ATG7: variants seen among roughly 807,000 people sequenced by gnomAD.
ATG7 encodes the protein ubiquitin-like modifier-activating enzyme ATG7.
Under a neutral mutation model 82.4 loss-of-function variants are expected in ATG7, and 70 were observed. The observed-to-expected ratio is 0.85, with a 90% CI of 0.70 to 1.04. The LOEUF (loss-of-function observed/expected upper bound fraction) is 1.04. Ranked by LOEUF, ATG7 falls within the 50% of genes least tolerant of loss-of-function variation. The pLI is 0.00. For synonymous variants in ATG7, 287 were observed against 313.0 expected (o/e 0.92, Z 0.88); for missense variants, 792 against 864.3 (o/e 0.92, Z 1.05).
chr3:11,398,355 A>C (rs1176391893), intron 19 of ATG7, among the ~76,000 whole-genome samples: 2 of 152,200 alleles, frequency 1.3e-5, no homozygotes, highest in Admixed American at 6.5e-5. Flanking sequence ...CGAATTTCAG[A>C]GTGAAATTGT....
At position 11,309,044 on chromosome 3, in the gene ATG7, C is replaced by G; in HGVS notation, c.394C>G (p.Leu132Val). Reference protein sequence around the residue: ...LENPVLLNKFLLLTFADLKKY... With the variant: ...LENPVLLNKFVLLTFADLKKY... ...AAACCCTGTACTCCTCAACAAGTTC[C>G]TCCTCTTGACATTTGCAGTAAGTAA... is the stretch of plus-strand genomic sequence containing the variant. Residue 132 changes from leucine (L) to valine (V), a missense_variant, in exon 7 of 21, where the codon CTC (leucine) becomes GTC (valine). Physicochemically the swap from Leu to Val is conservative, Grantham distance 32. Coordinates refer to ENST00000693202, the MANE Select transcript of ATG7 (RefSeq NM_001349232.2). 6.2e-7 allele frequency: 1 copy of G among 1,613,872 alleles called. No homozygotes were observed. Among genetic ancestry groups the G allele is most frequent in the East Asian group, 2.2e-5 (1 of 44,884 alleles).
chr3:11,558,627 G>T (rs377034464), downstream of ATG7: 855 of 1,609,204 alleles, frequency 5.3e-4, 12 homozygotes, highest in South Asian at 8.8e-3. Flanking sequence ...TGGCCCCTGC[G>T]AGAGGCGGAC....
intron 20 of ATG7, among the ~76,000 whole-genome samples, chr3:11,503,660 G>C (rs1380926314): frequency 6.7e-6 from 1 of 149,712 alleles, no homozygotes. Flanking sequence ...GGAGGCTGAG[G>C]CAGGAGAATC....
intron 20 of ATG7, among the ~76,000 whole-genome samples, chr3:11,498,404 A>C (rs982802072): frequency 6.6e-6 from 1 of 152,190 alleles, no homozygotes; most frequent in African/African-American, 2.4e-5. Flanking sequence ...CTGTATTGTC[A>C]TAGGCTTTTG....
downstream of ATG7, among the ~76,000 whole-genome samples, chr3:11,560,020 C>G (rs1482755949): frequency 2.0e-5 from 3 of 152,144 alleles, no homozygotes; most frequent in Non-Finnish European, 4.4e-5. Context: ...CCACCCCAGC[C>G]CGATCTGCCC....
At chr3:11,493,214 C>G (rs982795073) in intron 20 of ATG7, among the ~76,000 whole-genome samples, 5 of 152,148 alleles carry the variant, frequency 3.3e-5, no homozygotes, top group African/African-American at 1.2e-4. Flanking sequence ...GTCACTCTCC[C>G]CTGAAGTCAA....
downstream of ATG7, chr3:11,558,855 C>A (rs1269387799): frequency 1.9e-6 from 3 of 1,606,490 alleles, no homozygotes; most frequent in Non-Finnish European, 2.6e-6. Context: ...GGCAGGCAGT[C>A]AGACACAGGT....
chr3:11,422,419 C>T (rs2082008682), intron 19 of ATG7, among the ~76,000 whole-genome samples: 2 of 152,326 alleles, frequency 1.3e-5, no homozygotes, highest in Non-Finnish European at 2.9e-5. Context: ...ATTAGCCAAC[C>T]TCTGCTAGCT....
chr3:11,315,590 A>T, intron 9 of ATG7, 97 bp downstream of exon 9: 4 of 1,120,744 alleles, frequency 3.6e-6, no homozygotes, highest in Non-Finnish European at 4.8e-6. Flanking sequence ...ACTTGTTTAG[A>T]TTTCCTTAGC....
At chr3:11,564,406 C>G in the ATG7 span, among the ~76,000 whole-genome samples, 1 of 11,296 alleles carries the variant, frequency 8.9e-5, no homozygotes, top group African/African-American at 1.3e-4. Context: ...AAACGTAGGA[C>G]CCCCCCACCC....
intron 20 of ATG7, among the ~76,000 whole-genome samples, chr3:11,515,495 G>C (rs935081582): frequency 1.3e-5 from 2 of 152,058 alleles, no homozygotes; most frequent in Non-Finnish European, 2.9e-5. Context: ...GTAGAGACGG[G>C]GTTTTGCTGT....
the ATG7 span, among the ~76,000 whole-genome samples, chr3:11,572,329 G>A: frequency 1.3e-5 from 2 of 152,234 alleles, no homozygotes; most frequent in Non-Finnish European, 1.5e-5. Flanking sequence ...CTAGTACAAC[G>A]ATTCCAATAT....
intron 18 of ATG7, among the ~76,000 whole-genome samples, chr3:11,367,699 C>T (rs1198903725): frequency 6.6e-6 from 1 of 151,634 alleles, no homozygotes; most frequent in Non-Finnish European, 1.5e-5. Context: ...CCTGAAGAAA[C>T]CTCTTATTGA....
At chr3:11,402,438 A>G (rs191667396) in intron 19 of ATG7, among the ~76,000 whole-genome samples, 4 of 152,238 alleles carry the variant, frequency 2.6e-5, no homozygotes, top group Non-Finnish European at 5.9e-5. Context: ...GTCTCAAAAA[A>G]TAAATTAAAA....
intron 20 of ATG7, among the ~76,000 whole-genome samples, chr3:11,448,674 A>G (rs553091839): frequency 1.2e-4 from 19 of 152,308 alleles, no homozygotes; most frequent in African/African-American, 4.6e-4. Context: ...TTGTTGAACA[A>G]ATTGCTGCCA....
intron 19 of ATG7, among the ~76,000 whole-genome samples, chr3:11,395,604 A>G (rs2079146025): frequency 6.6e-6 from 1 of 152,220 alleles, no homozygotes; most frequent in Admixed American, 6.5e-5. Flanking sequence ...GCTGAAGGAA[A>G]GAAACGCATC....
chr3:11,472,107 G>C (rs1415141478), intron 20 of ATG7, among the ~76,000 whole-genome samples: 3 of 152,134 alleles, frequency 2.0e-5, no homozygotes, highest in African/African-American at 7.2e-5. Flanking sequence ...TTGGAGGTTA[G>C]ACTCTCACAC....
intron 7 of ATG7, 98 bp downstream of exon 7, chr3:11,309,159 T>C (rs1948237782): frequency 1.8e-6 from 2 of 1,123,422 alleles, no homozygotes; most frequent in Admixed American, 3.5e-5. Flanking sequence ...CCGAAGCTAC[T>C]ACCTTCTGTT....
chr3:11,421,613 ACTT>A (rs2081950999), intron 19 of ATG7, among the ~76,000 whole-genome samples: 1 of 152,124 alleles, frequency 6.6e-6, no homozygotes, highest in African/African-American at 2.4e-5. Flanking sequence ...GTTGGAATCA[ACTT>A]CTTTCAAACT....
Sources: gnomAD v4.1 joint callset for allele counts (sites outside exome capture counted in the v4.1 genomes callset) on GRCh38, gnomAD v4.1.1 for gene constraint, MANE v1.5 for transcripts, NCBI Gene and HGNC (gene_info 2026-07-23, HGNC 2026-07-21) for gene names.